The following ATN1 variants were observed in gnomAD, a reference collection of about 807,000 sequenced individuals.
ATN1 encodes atrophin 1, also known as atrophin-1.
Under a neutral mutation model 85.8 loss-of-function variants are expected in ATN1, and 19 were observed. The ratio of observed to expected loss-of-function variants is 0.22; its 90% CI spans 0.15 to 0.32. ATN1 has a LOEUF of 0.32. ATN1 is among the 10% of genes least tolerant of loss of function. The pLI is 1.00. For missense variants in ATN1, 1,453 were observed against 1,564.5 expected, an observed-to-expected ratio of 0.93 and a Z score of 1.20; for synonymous variants, 674 against 657.0, an observed-to-expected ratio of 1.03 and a Z score of -0.39.
chr12:6,937,271 G>A lies in ATN1; in HGVS notation c.2004G>A (p.Gly668=), dbSNP rs782241230. ...KPGSPPSFRT[G]TPPGYRGTSP... is the part of the protein sequence containing the mutation. ...GGTCGCCTCCCTCCTTCCGAACGGG[G>A]ACCCCACCGGGCTATCGAGGAACCT... The change falls in exon 5 of 10, where the codon GGG becomes GGA. Residue 668 remains glycine (G), a synonymous_variant. Coordinates refer to ENST00000396684, the MANE Select transcript of ATN1 (RefSeq NM_001940.4). This position sits in a 1 kb window ranked among gnomAD's most constrained non-coding sequence, Gnocchi z 6.0. 8 of 1,608,642 alleles carry A rather than the reference G, an allele frequency of 5.0e-6. No individual in the cohort carries two copies. Among genetic ancestry groups the A allele is most frequent in the Non-Finnish European group, 6.8e-6 (8 of 1,178,390 alleles).
chr12:6,934,563 A>G lies in ATN1; in HGVS notation c.264A>G (p.Lys88=). The change falls in exon 4 of 10, where the codon AAA becomes AAG. Residue 88 remains lysine, a synonymous_variant. Coordinates refer to ENST00000396684, the MANE Select transcript of ATN1 (RefSeq NM_001940.4). The surrounding 1 kb of genome is among the most constrained non-coding windows in gnomAD (Gnocchi z 4.5). ...ESESEETNAP[K]KTKTEQELPR... Reference sequence around the variant, plus strand: ...AAAGTGAGGAGACCAATGCACCAAAAAAGACCAAAACTGAGGTGGGAAACC... The same window carrying G: ...AAAGTGAGGAGACCAATGCACCAAAGAAGACCAAAACTGAGGTGGGAAACC... The G allele has an allele frequency of 1.3e-6, 2 of 1,562,330 alleles. No individual in the cohort carries two copies. Among genetic ancestry groups the G allele is most frequent in the Non-Finnish European group, 1.7e-6 (2 of 1,152,694 alleles).
rs1945505866 is a variant in ATN1 at position 6,934,464 on chromosome 12, G to T, written c.166-1G>T. The T allele has an allele frequency of 6.3e-7, 1 of 1,593,272 alleles. No homozygotes were observed. Among genetic ancestry groups the T allele is most frequent in the Non-Finnish European group, 8.6e-7 (1 of 1,169,510 alleles). ...AGGAATTTTCTCTTTCTCTCTAACA[G>T]AAGGCCCGAGTAGAGGAAGCCTCCA... On this transcript the variant is annotated splice_acceptor_variant, in intron 3 of 9. Coordinates refer to ENST00000396684, the MANE Select transcript of ATN1 (RefSeq NM_001940.4). LOFTEE classifies it high-confidence loss of function. The surrounding 1 kb of genome is among the most constrained non-coding windows in gnomAD (Gnocchi z 4.5).
Position 6,934,112 on chromosome 12 carries a change from G to C in ATN1, c.28-64G>C, listed in dbSNP as rs1338888433. On this transcript the variant is annotated intron_variant, in intron 2 of 9. Transcript: ENST00000396684. This position sits in a 1 kb window ranked among gnomAD's most constrained non-coding sequence, Gnocchi z 4.5. Reference sequence around the variant, plus strand: ...GGTCTAGAGAAGAAGAACAAATAATGTGCACCATAAAGTTAGGTGCAATGT... The same window carrying C: ...GGTCTAGAGAAGAAGAACAAATAATCTGCACCATAAAGTTAGGTGCAATGT... The C allele has an allele frequency of 1.2e-6, 2 of 1,613,128 alleles. No individual in the cohort carries two copies. The highest frequency in any genetic ancestry group is 1.7e-6 in the Non-Finnish European group (2 of 1,179,252).
At chr12:6,933,703 A>G (rs1290140309) in intron 1 of ATN1, 137 bp from the exon 2 acceptor site, 3 of 498,128 alleles carry the variant, frequency 6.0e-6, no homozygotes, top group Admixed American at 6.7e-5. Context: ...GCATGCCAGC[A>G]ATGTCTTGTG....
Position 6,940,351 on chromosome 12 carries a change from C to T in ATN1, c.3215-529C>T, listed in dbSNP as rs141610684. Among the ~76,000 whole-genome samples the T allele has an allele frequency of 5.0e-4, 76 of 152,108 alleles. No homozygotes were observed. The East Asian group carries it at 0.013, about 26-fold the overall frequency. On this transcript the variant is annotated intron_variant, in intron 7 of 9. Transcript: ENST00000396684. ...CGCGATCTCGGCTCACTGCAGCTTC[C>T]ACCTCCCAGGTTCAAGCGATTCTCC...
rs1407816651 is a variant in ATN1 at position 6,928,234 on chromosome 12, G to C, written c.-313G>C. 3 of 148,422 alleles carry C rather than the reference G, an allele frequency of 2.0e-5. No homozygotes were observed. The highest frequency in any genetic ancestry group is 4.9e-5 in the African/African-American group (2 of 40,578). The allele number at this position is 148,422 out of a possible 1,614,324, so 9.2% of individuals were successfully genotyped here. ...AAGGGGGGATGGGGGCCGCCCTCCGGGGGGGTCGGGGCCGCCGCCGCCGTC... is the reference window on the plus strand; with the variant it reads ...AAGGGGGGATGGGGGCCGCCCTCCGCGGGGGTCGGGGCCGCCGCCGCCGTC... On this transcript the variant is annotated 5_prime_UTR_variant, in exon 1 of 10. Coordinates refer to ENST00000396684, the MANE Select transcript of ATN1 (RefSeq NM_001940.4).
chr12:6,933,735 A>G, intron 1 of ATN1, 105 bp from the exon 2 acceptor site: 1 of 561,442 alleles, frequency 1.8e-6, no homozygotes, highest in South Asian at 2.2e-5. Flanking sequence ...TCTTGGCCCA[A>G]AGGCTTAGGG....
upstream of ATN1, among the ~76,000 whole-genome samples, chr12:6,927,644 CCGGCTCCCCCTCTCTCCCCCCTCG>C (rs1555142706): frequency 1.3e-5 from 2 of 151,440 alleles, no homozygotes; most frequent in African/African-American, 4.9e-5. Flanking sequence ...CTCCCCCTCT[CCGGCTCCCCCTCTCTCCCCCCTCG>C]CGGCTTGCCT....
In ATN1 at chr12:6,936,196, TCAA is replaced by T. The variant is rs1555143605; in HGVS notation, c.933_935del (p.Asn312del). 1.9e-6 allele frequency: 3 copies of T among 1,585,934 alleles called. No homozygotes were observed. Among genetic ancestry groups the T allele is most frequent in the Admixed American group, 3.5e-5 (2 of 57,562 alleles). ...CCTCCCCCACCTGCCCTGAGACCCC[TCAA>T]CAATGCATCAGCCTCTCCCCCTGGC... is the stretch of plus-strand genomic sequence containing the variant. On this transcript the variant is annotated inframe_deletion, in exon 5 of 10. Coordinates refer to ENST00000396684, the MANE Select transcript of ATN1 (RefSeq NM_001940.4).
chr12:6,935,506 G>A lies in ATN1; in HGVS notation c.280-41G>A, dbSNP rs1945519262. On this transcript the variant is annotated intron_variant, in intron 4 of 9. Transcript: ENST00000396684. The surrounding 1 kb of genome is among the most constrained non-coding windows in gnomAD (Gnocchi z 5.3). Reference sequence around the variant, plus strand: ...GAGAGCCCCAAATCTCAGGGAAGCAGGAAAGGAAAAGAGAAAAAATGAGTC... The same window carrying A: ...GAGAGCCCCAAATCTCAGGGAAGCAAGAAAGGAAAAGAGAAAAAATGAGTC... 2 of 1,590,214 alleles carry A rather than the reference G, an allele frequency of 1.3e-6. No homozygotes were observed. Among genetic ancestry groups the A allele is most frequent in the Admixed American group, 1.7e-5 (1 of 58,090 alleles).
intron 1 of ATN1, among the ~76,000 whole-genome samples, chr12:6,931,746 C>T (rs1419696425): frequency 7.8e-6 from 1 of 128,388 alleles, no homozygotes; most frequent in African/African-American, 3.0e-5. Flanking sequence ...AAAAAGAAAA[C>T]TAGTTGGCCG....
chr12:6,925,465 CA>C (rs1317943577), upstream of ATN1, among the ~76,000 whole-genome samples: 1 of 151,856 alleles, frequency 6.6e-6, no homozygotes, highest in Non-Finnish European at 1.5e-5. Context: ...GGAACAAAGT[CA>C]GGGGTGGGGA....
Position 6,934,157 on chromosome 12 carries a change from C to T in ATN1, c.28-19C>T. 6.2e-7 allele frequency: 1 copy of T among 1,613,568 alleles called. No individual in the cohort carries two copies. Among genetic ancestry groups the T allele is most frequent in the Non-Finnish European group, 8.5e-7 (1 of 1,179,820 alleles). On this transcript the variant is annotated intron_variant, in intron 2 of 9. Coordinates refer to ENST00000396684, the MANE Select transcript of ATN1 (RefSeq NM_001940.4). This position sits in a 1 kb window ranked among gnomAD's most constrained non-coding sequence, Gnocchi z 4.5. Reference sequence around the variant, plus strand: ...CAATGTAAAGAACAGTGTTACCTACCTCCTTCCTCCTCCTGTAGATGTCAA... The same window carrying T: ...CAATGTAAAGAACAGTGTTACCTACTTCCTTCCTCCTCCTGTAGATGTCAA...
upstream of ATN1, among the ~76,000 whole-genome samples, chr12:6,924,752 C>A (rs781957230): frequency 6.7e-6 from 1 of 149,702 alleles, no homozygotes; most frequent in Middle Eastern, 3.2e-3. Flanking sequence ...TCCTGGCGAC[C>A]CTTTATGCCT....
chr12:6,927,372 C>T (rs910098167), upstream of ATN1, among the ~76,000 whole-genome samples: 4 of 152,028 alleles, frequency 2.6e-5, no homozygotes, highest in South Asian at 6.2e-4. Flanking sequence ...CCCACAAAGC[C>T]CCCAGGCAGC....
chr12:6,931,505 G>C (rs1433991816), intron 1 of ATN1, among the ~76,000 whole-genome samples: 1 of 150,926 alleles, frequency 6.6e-6, no homozygotes, highest in South Asian at 2.1e-4. Flanking sequence ...TCTGAGGTCA[G>C]GAGTTCGAGA....
Position 6,941,086 on chromosome 12 carries a change from T to TG in ATN1, c.3358+69dup. The stretch of plus-strand genomic sequence containing the variant: ...AAAGGGCAGAAAGGAGGTATTTGGG[T>TG]GGGGGGATGGGCCTAGTTGGGCTTG... On this transcript the variant is annotated intron_variant, in intron 8 of 9. Transcript: ENST00000396684. This position sits in a 1 kb window ranked among gnomAD's most constrained non-coding sequence, Gnocchi z 5.9. 2.0e-6 allele frequency: 3 copies of TG among 1,520,550 alleles called. No individual in the cohort carries two copies. Among genetic ancestry groups the TG allele is most frequent in the Non-Finnish European group, 2.7e-6 (3 of 1,106,478 alleles). The allele number at this position is 1,520,550 out of a possible 1,614,324, so 94.2% of individuals were successfully genotyped here.
chr12:6,939,198 C>T (rs1555144370), intron 7 of ATN1, 21 bp downstream of exon 7: 1 of 1,573,372 alleles, frequency 6.4e-7, no homozygotes, highest in East Asian at 2.3e-5. Context: ...TCCTTCCTTG[C>T]CCTGGCCCTT....
intron 1 of ATN1, among the ~76,000 whole-genome samples, chr12:6,932,775 A>G (rs1365734577): frequency 6.6e-6 from 1 of 152,236 alleles, no homozygotes; most frequent in Non-Finnish European, 1.5e-5. Flanking sequence ...GCTCTCAAAA[A>G]TGAAGTTCTA....
Sources: allele counts gnomAD v4.1 joint callset (sites outside exome capture counted in the v4.1 genomes callset), GRCh38; gene constraint gnomAD v4.1.1; non-coding constraint Gnocchi (gnomAD v3.1); transcripts MANE v1.5; gene names NCBI Gene and HGNC (gene_info 2026-07-23, HGNC 2026-07-21).